Variants in CES2 observed in about 807,000 individuals in gnomAD.
The protein encoded by CES2 is carboxylesterase 2.
CES2 carries 42 observed loss-of-function variants against 52.1 expected under a neutral mutation model. That is an observed-to-expected ratio of 0.81 (90% confidence interval 0.63 to 1.04). CES2 has a LOEUF of 1.04. Among genes scored for constraint, CES2 ranks in the 50% least tolerant of loss-of-function variants. CES2 has a pLI of 0.00. For synonymous variants in CES2, 277 were observed against 289.6 expected, an observed-to-expected ratio of 0.96 and a Z score of 0.44; for missense variants, 656 against 724.3, an observed-to-expected ratio of 0.91 and a Z score of 1.08.
rs1000633117 is a variant in CES2 at position 66,943,481 on chromosome 16, T to C, written c.1493+110T>C. 4 of 1,137,112 alleles carry C rather than the reference T, an allele frequency of 3.5e-6. No homozygotes were observed. In the African/African-American group the frequency reaches 6.1e-5, roughly 17 times the overall value. 70.4% of individuals were successfully genotyped at this position (1,137,112 alleles called of 1,614,324 possible). On this transcript the variant is annotated intron_variant, in intron 11 of 11. Coordinates refer to ENST00000317091, the MANE Select transcript of CES2 (RefSeq NM_001365405.1). This position sits in a 1 kb window ranked among gnomAD's most constrained non-coding sequence, Gnocchi z 4.2. Reference sequence around the variant, plus strand: ...GAGCACACCCGCATCCTTCATCACATGATGGCCCCTTCCCCAGCTCCGGGA... The same window carrying C: ...GAGCACACCCGCATCCTTCATCACACGATGGCCCCTTCCCCAGCTCCGGGA...
In CES2 at chr16:66,943,673, A is replaced by C; in HGVS notation, c.1494-166A>C. ...CCCAACCCCCACTGGTGCTGACACTAGCCAGAGGGAGCTTATTTCCTGTTT... is the reference window on the plus strand; with the variant it reads ...CCCAACCCCCACTGGTGCTGACACTCGCCAGAGGGAGCTTATTTCCTGTTT... On this transcript the variant is annotated intron_variant, in intron 11 of 11. Transcript: ENST00000317091. This position sits in a 1 kb window ranked among gnomAD's most constrained non-coding sequence, Gnocchi z 4.2. 1 of 600,280 alleles carries C rather than the reference A, an allele frequency of 1.7e-6. No individual in the cohort carries two copies. 37.2% of individuals were successfully genotyped at this position (600,280 alleles called of 1,614,324 possible).
chr16:66,936,249 G>A (rs557528743), intron 1 of CES2, among the ~76,000 whole-genome samples: 100 of 152,306 alleles, frequency 6.6e-4, no homozygotes, highest in African/African-American at 2.3e-3. Flanking sequence ...GTGGCTGGGT[G>A]CGATTGGCTC....
At chr16:66,935,499 G>T, upstream of CES2, 4 of 1,613,944 alleles carry the variant, frequency 2.5e-6, no homozygotes, top group Non-Finnish European at 3.4e-6. Flanking sequence ...CCAAGCCAGC[G>T]CACCCCGCTG....
At chr16:66,935,295 T>C (rs1963171488), upstream of CES2, 2 of 878,342 alleles carry the variant, frequency 2.3e-6, no homozygotes, top group Non-Finnish European at 3.5e-6. Flanking sequence ...TCATCGGGCC[T>C]GTGGACAAGG....
chr16:66,944,032 G>A lies in CES2; in HGVS notation c.*7G>A. ...GAGACACACAGAGCTGTAGCTCCCT[G>A]TGCCGGGGAGGAGGGGGTGGGTTCG... On this transcript the variant is annotated 3_prime_UTR_variant, in exon 12 of 12. Transcript: ENST00000317091. 2.7e-6 allele frequency: 4 copies of A among 1,457,664 alleles called. No homozygotes were observed. Among genetic ancestry groups the A allele is most frequent in the Non-Finnish European group, 2.8e-6 (3 of 1,081,400 alleles). The allele number at this position is 1,457,664 out of a possible 1,614,324, so 90.3% of individuals were successfully genotyped here. A position where few individuals can be genotyped will look rare whatever the true frequency, so the allele number is the denominator to read the frequency against.
intron 3 of CES2, 24 bp from the exon 4 acceptor site, chr16:66,940,198 T>C (rs1170934870): frequency 6.2e-7 from 1 of 1,612,176 alleles, no homozygotes; most frequent in Admixed American, 1.7e-5. Flanking sequence ...GGGAGCATCA[T>C]GGTAGCTGCC....
At chr16:66,936,386 G>C (rs751605348) in intron 1 of CES2, among the ~76,000 whole-genome samples, 3 of 152,176 alleles carry the variant, frequency 2.0e-5, no homozygotes, top group Non-Finnish European at 4.4e-5. Context: ...TTAGTGGGCT[G>C]TGGTGGTCTG....
At chr16:66,934,568 G>A (rs1283458076), upstream of CES2, 1 of 768,184 alleles carries the variant, frequency 1.3e-6, no homozygotes, top group Non-Finnish European at 2.0e-6. The surrounding 1 kb of genome is among the most constrained non-coding windows in gnomAD (Gnocchi z 4.1). Context: ...CGCTGGAGCA[G>A]AAGGCGCTGA....
In CES2 at chr16:66,936,053, T is replaced by C. The variant is rs1389876020; in HGVS notation, c.76+342T>C. ...TCCATTTCCCTCTTATGATTGTGGC[T>C]GTAGCGGGTGCTGCCGGCCGGTAAT... is the stretch of plus-strand genomic sequence containing the variant. On this transcript the variant is annotated intron_variant, in intron 1 of 11. Transcript: ENST00000317091. The C allele has an allele frequency of 6.4e-5, 78 of 1,216,452 alleles. No homozygotes were observed. In the East Asian group the frequency reaches 3.3e-3, roughly 51 times the overall value. 75.4% of individuals were successfully genotyped at this position (1,216,452 alleles called of 1,614,324 possible). A position where few individuals can be genotyped will look rare whatever the true frequency, so the allele number is the denominator to read the frequency against.
At chr16:66,941,015 C>T (rs547802632) in intron 5 of CES2, 109 bp from the exon 6 acceptor site, 67 of 1,470,442 alleles carry the variant, frequency 4.6e-5, no homozygotes, top group Non-Finnish European at 5.4e-5. Flanking sequence ...GGAACTCATA[C>T]GAAGTACCCT....
Position 66,941,799 on chromosome 16 carries a change from T to G in CES2, c.1088T>G (p.Met363Arg), listed in dbSNP as rs767614368. ...VMRIYDTQKE[M>R]DREASQAALQ... is the part of the protein sequence containing the mutation. ...AGGATCTATGATACCCAGAAGGAAATGGACAGAGAGGCCTCCCAGGCTGCT... is the reference window on the plus strand; with the variant it reads ...AGGATCTATGATACCCAGAAGGAAAGGGACAGAGAGGCCTCCCAGGCTGCT... The change falls in exon 8 of 12, where the codon ATG (methionine) becomes AGG (arginine). Residue 363 changes from methionine (M) to arginine (R), a missense_variant. Physicochemically the swap from Met to Arg is moderately conservative, Grantham distance 91 (BLOSUM62 -1). Transcript: ENST00000317091. 6 of 1,614,088 alleles carry G rather than the reference T, an allele frequency of 3.7e-6. No individual in the cohort carries two copies. The highest frequency in any genetic ancestry group is 4.2e-6 in the Non-Finnish European group (5 of 1,179,998).
chr16:66,942,432 GA>G, intron 9 of CES2, 183 bp downstream of exon 9: 1 of 827,228 alleles, frequency 1.2e-6, no homozygotes, highest in Non-Finnish European at 1.8e-6. Flanking sequence ...CCATTTCACA[GA>G]CGAGCAAATT....
At chr16:66,941,432 G>A in intron 6 of CES2, 74 bp from the exon 7 acceptor site, 1 of 1,574,246 alleles carries the variant, frequency 6.4e-7, no homozygotes, top group Admixed American at 1.7e-5. Context: ...CTGGGAAGGA[G>A]TGGAAGGTAC....
intron 3 of CES2, among the ~76,000 whole-genome samples, chr16:66,939,709 A>G (rs1373921373): frequency 1.3e-5 from 2 of 152,264 alleles, no homozygotes; most frequent in Non-Finnish European, 2.9e-5. Flanking sequence ...GGGCACACAC[A>G]AAAACTTTTT....
chr16:66,940,789 G>GGGAGCAGCTCCT, intron 5 of CES2, 94 bp downstream of exon 5: 1 of 1,449,038 alleles, frequency 6.9e-7, no homozygotes, highest in Non-Finnish European at 9.2e-7. Context: ...AAGGGCCATC[G>GGGAGCAGCTCCT]GGAGCATGCT....
At position 66,941,836 on chromosome 16, in the gene CES2, GTTAA is replaced by G. The variant is rs1963373500; in HGVS notation, c.1126_1129del (p.Leu376ArgfsTer3). ...CCTCCCAGGCTGCTCTGCAGAAAAT[GTTAA>G]CGCTGCTGGTAAGGCTCCTGGGGTC... is the stretch of plus-strand genomic sequence containing the variant. On this transcript the variant is annotated frameshift_variant, in exon 8 of 12. Coordinates refer to ENST00000317091, the MANE Select transcript of CES2 (RefSeq NM_001365405.1). LOFTEE classifies it high-confidence loss of function. The G allele has an allele frequency of 6.2e-7, 1 of 1,614,158 alleles. No homozygotes were observed. The highest frequency in any genetic ancestry group is 8.5e-7 in the Non-Finnish European group (1 of 1,180,014).
rs547802632 is a variant in CES2 at position 66,941,015 on chromosome 16, C to A, written c.817-109C>A. The A allele has an allele frequency of 2.2e-5, 32 of 1,470,562 alleles. No homozygotes were observed. In the South Asian group the frequency reaches 3.7e-4, roughly 17 times the overall value. 91.1% of individuals were successfully genotyped at this position (1,470,562 alleles called of 1,614,324 possible). On this transcript the variant is annotated intron_variant, in intron 5 of 11. Transcript: ENST00000317091. ...AGTGTCAGAACTGCAGGAACTCATA[C>A]GAAGTACCCTCTGAGATTTGGGGTA...
chr16:66,936,121 C>A (rs757366476), intron 1 of CES2: 166 of 758,188 alleles, frequency 2.2e-4, no homozygotes, highest in Non-Finnish European at 2.7e-4. Context: ...CAGTGTGTGG[C>A]GTCCTTGGCC....
chr16:66,944,045 G>A lies in CES2; in HGVS notation c.*20G>A. ...CTGTAGCTCCCTGTGCCGGGGAGGA[G>A]GGGGTGGGTTCGCTGACAGGCGAGG... is the stretch of plus-strand genomic sequence containing the variant. On this transcript the variant is annotated 3_prime_UTR_variant, in exon 12 of 12. Coordinates refer to ENST00000317091, the MANE Select transcript of CES2 (RefSeq NM_001365405.1). 2.9e-6 allele frequency: 4 copies of A among 1,376,654 alleles called. No individual in the cohort carries two copies. The highest frequency in any genetic ancestry group is 2.0e-4 in the Middle Eastern group (1 of 4,938). The allele number at this position is 1,376,654 out of a possible 1,614,324, so 85.3% of individuals were successfully genotyped here.
Sources: allele counts gnomAD v4.1 joint callset (sites outside exome capture counted in the v4.1 genomes callset), GRCh38; gene constraint gnomAD v4.1.1; non-coding constraint Gnocchi (gnomAD v3.1); transcripts MANE v1.5; gene names NCBI Gene and HGNC (gene_info 2026-07-23, HGNC 2026-07-21).